The following COL26A1 variants were observed in gnomAD, a reference collection of about 807,000 sequenced individuals.
COL26A1 encodes the protein collagen alpha-1(XXVI) chain.
COL26A1 carries 41 observed loss-of-function variants against 59.3 expected under a neutral mutation model. The observed-to-expected ratio is 0.69, with a 90% CI of 0.54 to 0.90. The LOEUF (loss-of-function observed/expected upper bound fraction) is 0.90. Among genes scored for constraint, COL26A1 ranks in the 40% least tolerant of loss-of-function variants. COL26A1 has a pLI of 0.00. For synonymous variants in COL26A1, 266 were observed against 256.0 expected (o/e 1.04, Z -0.37); for missense variants, 612 against 602.3 (o/e 1.02, Z -0.17).
intron 1 of COL26A1, among the ~76,000 whole-genome samples, chr7:101,396,608 G>T (rs1791860752): frequency 6.6e-6 from 1 of 152,048 alleles, no homozygotes; most frequent in South Asian, 2.1e-4. Context: ...GACTACAGGT[G>T]CCCGCCATCA....
At chr7:101,513,098 C>T (rs1563021004) in intron 3 of COL26A1, among the ~76,000 whole-genome samples, 2 of 151,996 alleles carry the variant, frequency 1.3e-5, no homozygotes, top group Non-Finnish European at 2.9e-5. Flanking sequence ...CCTCCGCCTC[C>T]TGGGTTCAAG....
At chr7:101,467,968 T>C (rs1269043149) in intron 3 of COL26A1, among the ~76,000 whole-genome samples, 2 of 152,192 alleles carry the variant, frequency 1.3e-5, no homozygotes, top group Non-Finnish European at 2.9e-5. Context: ...CATTTACATA[T>C]GCAAGCTTTT....
intron 3 of COL26A1, among the ~76,000 whole-genome samples, chr7:101,515,469 A>G (rs1795009841): frequency 6.6e-6 from 1 of 151,872 alleles, no homozygotes; most frequent in African/African-American, 2.4e-5. Flanking sequence ...TTTTTAGTAG[A>G]GACAGGGTTT....
intron 1 of COL26A1, among the ~76,000 whole-genome samples, chr7:101,387,833 A>T (rs1791630308): frequency 7.0e-6 from 1 of 143,802 alleles, no homozygotes; most frequent in Admixed American, 7.2e-5. Context: ...GCAGTGGTGC[A>T]ATCTCGACTC....
chr7:101,382,206 A>T (rs908954232), intron 1 of COL26A1, among the ~76,000 whole-genome samples: 1 of 151,884 alleles, frequency 6.6e-6, no homozygotes. Context: ...ATGCTACCAT[A>T]TCTGGTCAAT....
At chr7:101,364,167 T>A (rs2116988503) in intron 1 of COL26A1, among the ~76,000 whole-genome samples, 1 of 152,270 alleles carries the variant, frequency 6.6e-6, no homozygotes, top group East Asian at 1.9e-4. Flanking sequence ...AGCCCGCATT[T>A]GAATTTCCCC....
intron 3 of COL26A1, among the ~76,000 whole-genome samples, chr7:101,514,706 C>A (rs187145267): frequency 1.2e-4 from 19 of 152,336 alleles, no homozygotes; most frequent in Non-Finnish European, 2.4e-4. Flanking sequence ...TGGGCCCAGC[C>A]TGCAGAACTG....
Sources: gnomAD v4.1 joint callset for allele counts (sites outside exome capture counted in the v4.1 genomes callset) on GRCh38, gnomAD v4.1.1 for gene constraint, MANE v1.5 for transcripts, NCBI Gene and HGNC (gene_info 2026-07-23, HGNC 2026-07-21) for gene names.